Variants in PPP2R2A observed in about 807,000 individuals in gnomAD.
PPP2R2A encodes serine/threonine-protein phosphatase 2A 55 kDa regulatory subunit B alpha isoform.
In PPP2R2A, 9 loss-of-function variants were observed where a neutral mutation model predicts 53.2. The observed-to-expected ratio is 0.17, with a 90% CI of 0.10 to 0.30. The LOEUF is 0.30. Among genes scored for constraint, PPP2R2A ranks in the 10% least tolerant of loss-of-function variants. The pLI is 1.00. For missense variants in PPP2R2A, 235 were observed against 534.6 expected, an observed-to-expected ratio of 0.44 and a Z score of 5.53; for synonymous variants, 169 against 174.2, an observed-to-expected ratio of 0.97 and a Z score of 0.23.
intron 1 of PPP2R2A, 162 bp from the exon 2 acceptor site, chr8:26,293,504 A>G: frequency 1.4e-6 from 1 of 713,680 alleles, no homozygotes; most frequent in East Asian, 2.7e-5. Flanking sequence ...AGTACCAAGT[A>G]TTGGGGACTA....
At chr8:26,350,114 G>A (rs962610923) in intron 3 of PPP2R2A, among the ~76,000 whole-genome samples, 1 of 151,980 alleles carries the variant, frequency 6.6e-6, no homozygotes, top group Non-Finnish European at 1.5e-5. Flanking sequence ...CACCCAGGCT[G>A]GAATGCAGTT....
intron 2 of PPP2R2A, among the ~76,000 whole-genome samples, chr8:26,334,548 A>C (rs755417671): frequency 9.9e-5 from 15 of 152,120 alleles, no homozygotes; most frequent in Non-Finnish European, 2.1e-4. Flanking sequence ...GATTGAGACC[A>C]TCCTGGCTAA....
intron 2 of PPP2R2A, among the ~76,000 whole-genome samples, chr8:26,300,198 A>C (rs1801718787): frequency 6.6e-6 from 1 of 152,246 alleles, no homozygotes; most frequent in African/African-American, 2.4e-5. Flanking sequence ...AATAAAACAA[A>C]AATTAGCCTT....
rs752088387 is a variant in PPP2R2A at position 26,338,885 on chromosome 8, T to C, written c.83-5T>C. ...ATCTTTTTTTGTTTTGTCTCAATTA[T>C]ACAGCAGATATAATTTCTACAGTAG... On this transcript the variant is annotated splice_region_variant and splice_polypyrimidine_tract_variant and intron_variant, in intron 2 of 9. Transcript: ENST00000380737. The surrounding 1 kb of genome is among the most constrained non-coding windows in gnomAD (Gnocchi z 4.5). The C allele has an allele frequency of 4.5e-6, 7 of 1,557,386 alleles. No individual in the cohort carries two copies. Among genetic ancestry groups the C allele is most frequent in the African/African-American group, 1.4e-5 (1 of 73,486 alleles).
Position 26,310,344 on chromosome 8 carries a change from G to A in PPP2R2A, c.82+16604G>A, listed in dbSNP as rs183845474. Among the ~76,000 whole-genome samples the A allele has an allele frequency of 1.9e-3, 258 of 137,798 alleles. 1 individual carries two copies. Among genetic ancestry groups the A allele is most frequent in the African/African-American group, 6.2e-3 (227 of 36,792 alleles). 90.4% of individuals were successfully genotyped at this position (137,798 alleles called of 152,430 possible). ...AATAAAAGTATGCCTGTATAATCTC[G>A]CAATTTTTATATTATATCTGTTAAT... On this transcript the variant is annotated intron_variant, in intron 2 of 9. Transcript: ENST00000380737.
chr8:26,358,827 G>T (rs375725649), intron 4 of PPP2R2A: 3 of 427,516 alleles, frequency 7.0e-6, no homozygotes, highest in Non-Finnish European at 9.6e-6. Flanking sequence ...GAGCAGGGAT[G>T]CTTCCTGCAG....
At chr8:26,346,894 A>G (rs1235696198) in intron 3 of PPP2R2A, among the ~76,000 whole-genome samples, 2 of 152,166 alleles carry the variant, frequency 1.3e-5, no homozygotes, top group African/African-American at 4.8e-5. Context: ...TATTTCTCCA[A>G]TTTGAGGCAC....
Position 26,354,375 on chromosome 8 carries a change from G to C in PPP2R2A, c.181-93G>C. The C allele has an allele frequency of 9.8e-7, 1 of 1,016,878 alleles. No individual in the cohort carries two copies. The highest frequency in any genetic ancestry group is 1.4e-6 in the Non-Finnish European group (1 of 735,746). 63.0% of individuals were successfully genotyped at this position (1,016,878 alleles called of 1,614,324 possible). On this transcript the variant is annotated intron_variant, in intron 3 of 9. Coordinates refer to ENST00000380737, the MANE Select transcript of PPP2R2A (RefSeq NM_002717.4). The surrounding 1 kb of genome is among the most constrained non-coding windows in gnomAD (Gnocchi z 4.6). ...ATAAAGACACAACTAATGGGGTATT[G>C]AGAATGTGCAGGGTCCTTTGGAATT...
chr8:26,367,870 C>T (rs1805461224), intron 9 of PPP2R2A, among the ~76,000 whole-genome samples: 1 of 152,230 alleles, frequency 6.6e-6, no homozygotes. Flanking sequence ...CAGTCTGGTT[C>T]AGTATCCAGC....
chr8:26,333,344 G>T, intron 2 of PPP2R2A: 5 of 244,064 alleles, frequency 2.0e-5, no homozygotes, highest in Middle Eastern at 2.0e-3. Context: ...TGTCTTTTTT[G>T]TTTTTGTTGC....
At chr8:26,349,488 T>C (rs1282982616) in intron 3 of PPP2R2A, among the ~76,000 whole-genome samples, 1 of 152,206 alleles carries the variant, frequency 6.6e-6, no homozygotes, top group East Asian at 1.9e-4. Context: ...TTTCAGTTCT[T>C]TGGGATAAAA....
intron 2 of PPP2R2A, among the ~76,000 whole-genome samples, chr8:26,296,300 A>C (rs762465960): frequency 6.6e-6 from 1 of 152,254 alleles, no homozygotes; most frequent in Non-Finnish European, 1.5e-5. Flanking sequence ...TCTAGAATGT[A>C]TGACCTTTGC....
At chr8:26,291,952 G>A (rs1801315689) in intron 1 of PPP2R2A, 126 bp downstream of exon 1, 2 of 1,325,674 alleles carry the variant, frequency 1.5e-6, no homozygotes, top group South Asian at 3.0e-5. Context: ...TGAGGGAGTA[G>A]GGTCCAGAGG....
Position 26,371,432 on chromosome 8 carries a change from ATTG to A in PPP2R2A, c.*1024_*1026del, listed in dbSNP as rs1383729070. The A allele has an allele frequency of 6.6e-6, 1 of 151,214 alleles. No homozygotes were observed. Among genetic ancestry groups the A allele is most frequent in the African/African-American group, 2.4e-5 (1 of 41,074 alleles). 9.4% of individuals were successfully genotyped at this position (151,214 alleles called of 1,614,324 possible). ...ATTTAACTCATTATGTGTTAATGAA[ATTG>A]TTGTAAATGGGAACCAAATTTGTAG... On this transcript the variant is annotated 3_prime_UTR_variant, in exon 10 of 10. Coordinates refer to ENST00000380737, the MANE Select transcript of PPP2R2A (RefSeq NM_002717.4).
rs1447877292 is a variant in PPP2R2A, at chr8:26,371,337, A to G, written c.*924A>G. Reference sequence around the variant, plus strand: ...ATATAGGTTTTATTAAGGATTTCACAATCTATAAATGCTACTAGTTTTTTT... The same window carrying G: ...ATATAGGTTTTATTAAGGATTTCACGATCTATAAATGCTACTAGTTTTTTT... On this transcript the variant is annotated 3_prime_UTR_variant, in exon 10 of 10. Transcript: ENST00000380737. 6.7e-6 allele frequency: 1 copy of G among 148,288 alleles called. No individual in the cohort carries two copies. The highest frequency in any genetic ancestry group is 2.5e-5 in the African/African-American group (1 of 40,752). The allele number at this position is 148,288 out of a possible 1,614,324, so 9.2% of individuals were successfully genotyped here.
intron 2 of PPP2R2A, among the ~76,000 whole-genome samples, chr8:26,318,498 C>T (rs1038828853): frequency 1.3e-5 from 2 of 152,150 alleles, no homozygotes; most frequent in Admixed American, 6.5e-5. Flanking sequence ...ACAAGATTGT[C>T]TATGAATGTA....
chr8:26,303,949 TG>T (rs1414444857), intron 2 of PPP2R2A, among the ~76,000 whole-genome samples: 2 of 150,822 alleles, frequency 1.3e-5, no homozygotes, highest in Non-Finnish European at 2.9e-5. Flanking sequence ...AAATCCTCTC[TG>T]TATGTTCAAA....
Position 26,362,938 on chromosome 8 carries a change from C to G in PPP2R2A, c.802+90C>G. On this transcript the variant is annotated intron_variant, in intron 7 of 9. Coordinates refer to ENST00000380737, the MANE Select transcript of PPP2R2A (RefSeq NM_002717.4). This position sits in a 1 kb window ranked among gnomAD's most constrained non-coding sequence, Gnocchi z 4.4. ...CATGATAAGTACAATTACAGAGGTT[C>G]AAAGTCTTAAACCCGTGTGTCCAGA... 1 of 1,308,796 alleles carries G rather than the reference C, an allele frequency of 7.6e-7. No homozygotes were observed. Among genetic ancestry groups the G allele is most frequent in the South Asian group, 1.3e-5 (1 of 78,282 alleles). The allele number at this position is 1,308,796 out of a possible 1,614,324, so 81.1% of individuals were successfully genotyped here. A position where few individuals can be genotyped will look rare whatever the true frequency, so the allele number is the denominator to read the frequency against.
chr8:26,349,285 C>A (rs1804374756), intron 3 of PPP2R2A, among the ~76,000 whole-genome samples: 1 of 151,884 alleles, frequency 6.6e-6, no homozygotes, highest in Admixed American at 6.6e-5. Flanking sequence ...CAGAATGAGA[C>A]TCATGTTGTA....
Sources: allele counts gnomAD v4.1 joint callset (sites outside exome capture counted in the v4.1 genomes callset), GRCh38; gene constraint gnomAD v4.1.1; non-coding constraint Gnocchi (gnomAD v3.1); transcripts MANE v1.5; gene names NCBI Gene and HGNC (gene_info 2026-07-23, HGNC 2026-07-21).